The following STK31 variants were observed in gnomAD, a reference collection of about 807,000 sequenced individuals.
STK31 encodes the protein serine/threonine-protein kinase 31.
Under a neutral mutation model 129.7 loss-of-function variants are expected in STK31, and 89 were observed. The observed-to-expected ratio is 0.69, with a 90% confidence interval of 0.58 to 0.82. The LOEUF is 0.82. STK31 is among the 40% of genes least tolerant of loss of function. The probability of loss-of-function intolerance (pLI) is 0.00; values close to 1 mark genes in which losing one functional copy is unlikely to be tolerated. For missense variants in STK31, 1,187 were observed against 1,176.4 expected, an observed-to-expected ratio of 1.01 and a Z score of -0.13; for synonymous variants, 448 against 395.3, an observed-to-expected ratio of 1.13 and a Z score of -1.58.
intron 11 of STK31, 122 bp from the exon 12 acceptor site, chr7:23,768,873 T>G: frequency 1.2e-6 from 1 of 813,532 alleles, no homozygotes; most frequent in Non-Finnish European, 1.8e-6. Flanking sequence ...TAAGTTGTAT[T>G]TATGAAATTC....
At chr7:23,769,618 TG>T (rs1790061042) in intron 12 of STK31, 21 bp from the exon 13 acceptor site, 3 of 1,445,540 alleles carry the variant, frequency 2.1e-6, no homozygotes, top group Non-Finnish European at 9.7e-7. Context: ...AGATATTTCA[TG>T]TGTTTATTTT....
intron 22 of STK31, among the ~76,000 whole-genome samples, chr7:23,806,337 T>A (rs1792700817): frequency 6.6e-6 from 1 of 152,212 alleles, no homozygotes; most frequent in Non-Finnish European, 1.5e-5. Context: ...CTGGTTTTCA[T>A]GTGTAATCCA....
At position 23,791,002 on chromosome 7, in the gene STK31, G is replaced by A. The variant is rs946960107; in HGVS notation, c.2760+56G>A. 9 of 1,267,852 alleles carry A rather than the reference G, an allele frequency of 7.1e-6. No individual in the cohort carries two copies. The African/African-American group carries it at 9.3e-5, about 13-fold the overall frequency. The allele number at this position is 1,267,852 out of a possible 1,614,324, so 78.5% of individuals were successfully genotyped here. On this transcript the variant is annotated intron_variant, in intron 22 of 23. Transcript: ENST00000355870. ...ATATATATATATTTCAGTATATAAA[G>A]TGATGATTTTATAGTGATTCTCCTT...
chr7:23,726,997 T>C (rs899177428), intron 4 of STK31, among the ~76,000 whole-genome samples: 2 of 152,202 alleles, frequency 1.3e-5, no homozygotes, highest in African/African-American at 4.8e-5. Context: ...ATTTTGGAGA[T>C]GCAGAATAGC....
chr7:23,783,488 A>G, intron 16 of STK31, 95 bp from the exon 17 acceptor site: 5 of 845,448 alleles, frequency 5.9e-6, no homozygotes, highest in South Asian at 5.3e-5. Flanking sequence ...TGGATATGTT[A>G]TAAGGTAGAT....
At chr7:23,819,003 G>T (rs1793631257) in intron 23 of STK31, among the ~76,000 whole-genome samples, 1 of 151,940 alleles carries the variant, frequency 6.6e-6, no homozygotes, top group South Asian at 2.1e-4. Flanking sequence ...TAACTTGTTT[G>T]GTCTCAAGGA....
At chr7:23,740,167 T>TC (rs1491223235) in intron 8 of STK31, among the ~76,000 whole-genome samples, 4 of 152,128 alleles carry the variant, frequency 2.6e-5, no homozygotes, top group Non-Finnish European at 5.9e-5. Flanking sequence ...GTCTCAAACT[T>TC]CTGGGCTCAA....
At chr7:23,769,825 A>T in intron 13 of STK31, 69 bp downstream of exon 13, 2 of 991,108 alleles carry the variant, frequency 2.0e-6, no homozygotes, top group Non-Finnish European at 3.1e-6. Flanking sequence ...GTTAGAAAGT[A>T]TTAACCAATA....
intron 22 of STK31, among the ~76,000 whole-genome samples, chr7:23,801,295 G>A (rs1428515496): frequency 6.6e-6 from 1 of 152,096 alleles, no homozygotes; most frequent in East Asian, 1.9e-4. Flanking sequence ...TTCTCTAATA[G>A]ATAATGATGT....
chr7:23,783,946 G>T (rs1031314158), intron 17 of STK31, among the ~76,000 whole-genome samples: 5 of 152,088 alleles, frequency 3.3e-5, no homozygotes, highest in African/African-American at 1.2e-4. Context: ...TTTTTGAAAT[G>T]ACAAAATAAA....
At chr7:23,723,132 AC>A (rs1786826662) in intron 4 of STK31, among the ~76,000 whole-genome samples, 1 of 151,808 alleles carries the variant, frequency 6.6e-6, no homozygotes, top group Non-Finnish European at 1.5e-5. Context: ...TGCAGAAATC[AC>A]CCGTCTTCTG....
At chr7:23,799,679 GC>G (rs1268190313) in intron 22 of STK31, among the ~76,000 whole-genome samples, 1 of 152,116 alleles carries the variant, frequency 6.6e-6, no homozygotes, top group Non-Finnish European at 1.5e-5. Flanking sequence ...ATAGGCATGG[GC>G]AAAGACTTCA....
chr7:23,740,359 ACAT>A (rs1454601272), intron 8 of STK31, among the ~76,000 whole-genome samples: 2 of 152,068 alleles, frequency 1.3e-5, no homozygotes, highest in Admixed American at 1.3e-4. Flanking sequence ...TGTCCTTTTG[ACAT>A]CATAACAGCT....
intron 3 of STK31, among the ~76,000 whole-genome samples, chr7:23,717,207 T>C (rs1325642995): frequency 1.4e-5 from 2 of 147,820 alleles, no homozygotes; most frequent in Admixed American, 6.8e-5. Context: ...ATCAAATCAA[T>C]CTTTAAGGAA....
Position 23,830,592 on chromosome 7 carries a change from TTGTGTGTGTGTG to T in STK31, c.2830-1518_2830-1507del, listed in dbSNP as rs3034048. 2.0e-3 allele frequency among the ~76,000 whole-genome samples: 290 copies of T among 142,226 alleles called. 2 individuals are homozygous for T. The highest frequency in any genetic ancestry group is 3.5e-3 in the Non-Finnish European group (233 of 65,918). 93.3% of individuals were successfully genotyped at this position (142,226 alleles called of 152,430 possible). Reference sequence around the variant, plus strand: ...AGCAGCACGTTGTTTAATTTCCATGTTGTGTGTGTGTGTGTGTGTGTGTGTGTGTGTGTGTGT... The same window carrying T: ...AGCAGCACGTTGTTTAATTTCCATGTTGTGTGTGTGTGTGTGTGTGTGTGT... On this transcript the variant is annotated intron_variant, in intron 23 of 23. Transcript: ENST00000355870.
At position 23,832,292 on chromosome 7, in the gene STK31, G is replaced by A; in HGVS notation, c.2986G>A (p.Glu996Lys). ...TGAATACACCCTATATAAAAAGGAA[G>A]AAGAAATAAAGACGGAGAACTTGGA... ...DTEYTLYKKE[E>K]EIKTENLDKC... The change falls in exon 24 of 24, where the codon GAA becomes AAA. Residue 996 changes from glutamate to lysine, a missense_variant. Physicochemically the swap from Glu to Lys is moderately conservative, Grantham distance 56. This residue lies in a region of STK31 where 975 missense variants were observed against 934.9 expected (regional missense o/e 1.04). Coordinates refer to ENST00000355870, the MANE Select transcript of STK31 (RefSeq NM_031414.5). 2 of 1,613,974 alleles carry A rather than the reference G, an allele frequency of 1.2e-6. No homozygotes were observed. Among genetic ancestry groups the A allele is most frequent in the Non-Finnish European group, 1.7e-6 (2 of 1,179,970 alleles).
chr7:23,723,614 G>T (rs1786863363), intron 4 of STK31, among the ~76,000 whole-genome samples: 1 of 152,146 alleles, frequency 6.6e-6, no homozygotes, highest in Non-Finnish European at 1.5e-5. Flanking sequence ...TACTTTGTCA[G>T]TTTTCCTTAG....
Position 23,771,136 on chromosome 7 carries a change from C to T in STK31, c.1833+12C>T, listed in dbSNP as rs755141075. 5 of 1,550,154 alleles carry T rather than the reference C, an allele frequency of 3.2e-6. No homozygotes were observed. Among genetic ancestry groups the T allele is most frequent in the Non-Finnish European group, 4.3e-6 (5 of 1,155,792 alleles). On this transcript the variant is annotated intron_variant, in intron 14 of 23. Transcript: ENST00000355870. ...AGGACAGTATTGAGGTTTGATTGTG[C>T]TTTCTCTTATTGATCTTATAAATTG...
intron 23 of STK31, among the ~76,000 whole-genome samples, chr7:23,819,244 T>G (rs1041135778): frequency 6.6e-6 from 1 of 152,222 alleles, no homozygotes. Context: ...TAAAAACATA[T>G]TCTGTAGAGT....
Sources: allele counts gnomAD v4.1 joint callset (sites outside exome capture counted in the v4.1 genomes callset), GRCh38; gene constraint gnomAD v4.1.1; regional missense constraint gnomAD v4.1.1; transcripts MANE v1.5; gene names NCBI Gene and HGNC (gene_info 2026-07-23, HGNC 2026-07-21).